TEX11: variants seen among roughly 807,000 people sequenced by gnomAD.
TEX11 encodes testis expressed 11.
A neutral mutation model predicts 84.4 loss-of-function variants in TEX11; 7 were observed. That is an observed-to-expected ratio of 0.08 (90% CI 0.05 to 0.16). The LOEUF (loss-of-function observed/expected upper bound fraction) is 0.16, where lower values mean the gene tolerates loss of function less well. Among genes scored for constraint, TEX11 ranks in the 10% least tolerant of loss-of-function variants. TEX11 has a pLI of 1.00. For synonymous variants in TEX11, 264 were observed against 222.8 expected (o/e 1.18, Z -1.64); for missense variants, 551 against 660.5 (o/e 0.83, Z 1.82).
chrX:70,718,311 T>G (rs1180253744), intron 13 of TEX11, among the ~76,000 whole-genome samples: 1 of 112,474 alleles, frequency 8.9e-6, no homozygotes, highest in Non-Finnish European at 1.9e-5. Flanking sequence ...GAAAACTTCC[T>G]TTTTGGAATT....
At chrX:70,719,702 G>T (rs2090539167) in intron 13 of TEX11, among the ~76,000 whole-genome samples, 1 of 112,015 alleles carries the variant, frequency 8.9e-6, no homozygotes, top group South Asian at 3.7e-4. Flanking sequence ...ATCAAAAAGT[G>T]GGCAAAGGAT....
At chrX:70,711,042 G>C (rs2090426787) in intron 13 of TEX11, among the ~76,000 whole-genome samples, 1 of 109,204 alleles carries the variant, frequency 9.2e-6, no homozygotes. Flanking sequence ...TGTGGTGTTT[G>C]GTTTTTTGTC....
At chrX:70,699,967 C>A (rs2090312756) in intron 13 of TEX11, among the ~76,000 whole-genome samples, 1 of 111,314 alleles carries the variant, frequency 9.0e-6, no homozygotes, top group African/African-American at 3.3e-5. Flanking sequence ...TCCCATGTAC[C>A]CTCACCCAGT....
intron 13 of TEX11, among the ~76,000 whole-genome samples, chrX:70,717,716 A>G (rs966997882): frequency 3.6e-5 from 4 of 112,285 alleles, no homozygotes; most frequent in African/African-American, 9.7e-5. Flanking sequence ...TGCTCTTGCT[A>G]TAAAATTACT....
chrX:70,611,209 C>T (rs2089256732), intron 20 of TEX11, among the ~76,000 whole-genome samples: 1 of 112,166 alleles, frequency 8.9e-6, no homozygotes, highest in Admixed American at 9.5e-5. Flanking sequence ...TTGGAAGTTG[C>T]CAGTTTCTCC....
intron 17 of TEX11, among the ~76,000 whole-genome samples, chrX:70,631,796 G>T (rs190186206): frequency 1.5e-5 from 1 of 68,382 alleles, no homozygotes; most frequent in African/African-American, 5.6e-5. Context: ...CACTTCCTCC[G>T]AATCAGAAGA....
At chrX:70,776,147 G>A (rs1161648578) in intron 9 of TEX11, among the ~76,000 whole-genome samples, 3 of 110,253 alleles carry the variant, frequency 2.7e-5, no homozygotes, top group Non-Finnish European at 5.7e-5. Context: ...TATATCAAAG[G>A]GATACTTAAA....
At chrX:70,796,763 A>C (rs1049214016) in intron 9 of TEX11, among the ~76,000 whole-genome samples, 1 of 112,302 alleles carries the variant, frequency 8.9e-6, no homozygotes, top group African/African-American at 3.2e-5. Context: ...ATAATTCAAC[A>C]AGCAAAATAT....
chrX:70,720,430 A>G lies in TEX11; in HGVS notation c.1004+2188T>C, dbSNP rs140489342. 8.7e-3 allele frequency among the ~76,000 whole-genome samples: 961 copies of G among 110,445 alleles called. 5 individuals carry two copies. The highest frequency in any genetic ancestry group is 0.013 in the Admixed American group (129 of 10,268). ...ATATACCTAATGTAAATGAGGAGTT[A>G]ATGGGTGCAGCACACCAACATGGCA... is the stretch of plus-strand genomic sequence containing the variant. On this transcript the variant is annotated intron_variant, in intron 13 of 29. Coordinates refer to ENST00000374333, the MANE Select transcript of TEX11 (RefSeq NM_031276.3).
At chrX:70,700,485 G>A (rs2090317041) in intron 13 of TEX11, among the ~76,000 whole-genome samples, 1 of 111,039 alleles carries the variant, frequency 9.0e-6, no homozygotes, top group African/African-American at 3.3e-5. Flanking sequence ...TTGTTTTGGG[G>A]TACCATAAAC....
chrX:70,658,861 T>C (rs1316306196), intron 16 of TEX11, among the ~76,000 whole-genome samples: 2 of 111,681 alleles, frequency 1.8e-5, no homozygotes, highest in Non-Finnish European at 3.8e-5. Context: ...AGGACTGACA[T>C]ATAGACCAAT....
chrX:70,848,013 C>T (rs950159213), intron 7 of TEX11, among the ~76,000 whole-genome samples: 10 of 111,289 alleles, frequency 9.0e-5, no homozygotes, highest in African/African-American at 1.6e-4. Context: ...CTGTATCTGT[C>T]CCTTCTTTCC....
At chrX:70,811,186 C>G (rs185292233) in intron 8 of TEX11, among the ~76,000 whole-genome samples, 175 of 108,781 alleles carry the variant, frequency 1.6e-3, no homozygotes, top group African/African-American at 5.6e-3. Context: ...TGCCCCCACC[C>G]CACAACAGGC....
Position 70,679,817 on chromosome X carries a change from C to T in TEX11, c.1157-928G>A, listed in dbSNP as rs1291748072. ...CCCCCGCCCGGCCAGCCGCCCCGTC[C>T]GGGAGGGAGGTGGGAGGGGTCAGCC... is the stretch of plus-strand genomic sequence containing the variant. On this transcript the variant is annotated intron_variant, in intron 14 of 29. Coordinates refer to ENST00000374333, the MANE Select transcript of TEX11 (RefSeq NM_031276.3). Among the ~76,000 whole-genome samples the T allele has an allele frequency of 6.9e-5, 7 of 101,070 alleles. No individual in the cohort carries two copies. The South Asian group carries it at 2.0e-3, about 29-fold the overall frequency. 87.8% of individuals were successfully genotyped at this position (101,070 alleles called of 115,157 possible). A position where few individuals can be genotyped will look rare whatever the true frequency, so the allele number is the denominator to read the frequency against.
At chrX:70,788,160 C>T (rs761816035) in intron 9 of TEX11, among the ~76,000 whole-genome samples, 50 of 111,783 alleles carry the variant, frequency 4.5e-4, no homozygotes, top group Middle Eastern at 4.6e-3. Context: ...AATGGGAAAA[C>T]GACACTAAAA....
At chrX:70,670,135 G>T (rs1168764114) in intron 16 of TEX11, among the ~76,000 whole-genome samples, 1 of 111,972 alleles carries the variant, frequency 8.9e-6, no homozygotes, top group African/African-American at 3.2e-5. Context: ...TTTCAGAATA[G>T]GTGTGAAAAA....
chrX:70,658,197 C>CT (rs987646478), intron 16 of TEX11, among the ~76,000 whole-genome samples: 28 of 111,474 alleles, frequency 2.5e-4, no homozygotes, highest in African/African-American at 9.2e-4. Context: ...GGCGGATCAC[C>CT]TGAGGTCAGG....
intron 23 of TEX11, among the ~76,000 whole-genome samples, chrX:70,606,258 T>C (rs1348537573): frequency 6.2e-5 from 7 of 112,229 alleles, no homozygotes; most frequent in Non-Finnish European, 1.3e-4. Flanking sequence ...TTGTGCTAGA[T>C]AGTCTTTATA....
intron 28 of TEX11, among the ~76,000 whole-genome samples, chrX:70,532,820 C>T (rs2087905825): frequency 9.0e-6 from 1 of 110,957 alleles, no homozygotes; most frequent in Non-Finnish European, 1.9e-5. Flanking sequence ...AGGCAGATCA[C>T]GAGGTCAGGA....
Sources: allele counts gnomAD v4.1 joint callset (sites outside exome capture counted in the v4.1 genomes callset), GRCh38; gene constraint gnomAD v4.1.1; transcripts MANE v1.5; gene names NCBI Gene and HGNC (gene_info 2026-07-23, HGNC 2026-07-21).